GLDN: variants seen among roughly 807,000 people sequenced by gnomAD.
GLDN encodes the protein gliomedin, also known as collomin.
GLDN carries 47 observed loss-of-function variants against 56.5 expected under a neutral mutation model. The observed-to-expected ratio is 0.83, with a 90% CI of 0.66 to 1.06. The LOEUF (loss-of-function observed/expected upper bound fraction) is 1.06. Ranked by LOEUF, GLDN falls within the 50% of genes least tolerant of loss-of-function variation. The probability of loss-of-function intolerance (pLI) is 0.00; values close to 1 mark genes in which losing one functional copy is unlikely to be tolerated. For synonymous variants in GLDN, 332 were observed against 278.8 expected, an observed-to-expected ratio of 1.19 and a Z score of -1.90; for missense variants, 782 against 714.3, an observed-to-expected ratio of 1.09 and a Z score of -1.08.
intron 1 of GLDN, among the ~76,000 whole-genome samples, chr15:51,355,972 C>A (rs1182037707): frequency 2.7e-5 from 4 of 150,400 alleles, no homozygotes; most frequent in Non-Finnish European, 5.9e-5. Flanking sequence ...CTTTGGGAGG[C>A]CAAGGCGGGC....
chr15:51,373,044 C>T (rs1026368883), intron 1 of GLDN, among the ~76,000 whole-genome samples: 2 of 152,038 alleles, frequency 1.3e-5, no homozygotes, highest in African/African-American at 4.8e-5. Context: ...TCCTTTAGGC[C>T]CCACCTCCCA....
At chr15:51,345,064 A>C (rs1051503995) in intron 1 of GLDN, among the ~76,000 whole-genome samples, 1 of 152,152 alleles carries the variant, frequency 6.6e-6, no homozygotes, top group African/African-American at 2.4e-5. Flanking sequence ...GGGAGAGAGA[A>C]AATTTGACCC....
intron 2 of GLDN, among the ~76,000 whole-genome samples, chr15:51,381,407 C>T (rs1226911740): frequency 1.3e-5 from 2 of 152,142 alleles, no homozygotes; most frequent in Admixed American, 1.3e-4. Context: ...CTTCCCAGTA[C>T]GTGTTCGCCA....
intron 5 of GLDN, among the ~76,000 whole-genome samples, chr15:51,396,741 C>T (rs570489383): frequency 6.6e-6 from 1 of 152,172 alleles, no homozygotes; most frequent in South Asian, 2.1e-4. Context: ...CCCATCCAAC[C>T]GTCTATCCAT....
intron 1 of GLDN, among the ~76,000 whole-genome samples, chr15:51,343,155 C>G (rs1270345958): frequency 6.6e-6 from 1 of 152,212 alleles, no homozygotes; most frequent in Non-Finnish European, 1.5e-5. Context: ...TTGACTTAAA[C>G]TTCCGTTATC....
chr15:51,408,025 T>C (rs2038421741), downstream of GLDN: 1 of 152,268 alleles, frequency 6.6e-6, no homozygotes, highest in South Asian at 2.1e-4. Flanking sequence ...AAGTGTGTTG[T>C]TATTTTTACC....
intron 1 of GLDN, among the ~76,000 whole-genome samples, chr15:51,368,729 G>A (rs977617606): frequency 6.6e-6 from 1 of 152,146 alleles, no homozygotes; most frequent in African/African-American, 2.4e-5. Context: ...AGAGCATAAA[G>A]GAGGAAGCGT....
At chr15:51,411,870 G>A (rs1285416952), downstream of GLDN, among the ~76,000 whole-genome samples, 2 of 152,206 alleles carry the variant, frequency 1.3e-5, no homozygotes, top group African/African-American at 2.4e-5. Flanking sequence ...GGATAATCAT[G>A]CTACCTCAAA....
chr15:51,344,945 A>G (rs772569044), intron 1 of GLDN, among the ~76,000 whole-genome samples: 1 of 152,232 alleles, frequency 6.6e-6, no homozygotes, highest in Non-Finnish European at 1.5e-5. Flanking sequence ...AGCACATTAA[A>G]TCTTTAAAAC....
At chr15:51,379,747 G>T (rs1175334599) in intron 2 of GLDN, among the ~76,000 whole-genome samples, 1 of 152,202 alleles carries the variant, frequency 6.6e-6, no homozygotes, top group East Asian at 1.9e-4. Flanking sequence ...ATCGATTCTG[G>T]TTAGGAGTGT....
chr15:51,356,796 A>T (rs2037195737), intron 1 of GLDN, among the ~76,000 whole-genome samples: 1 of 152,222 alleles, frequency 6.6e-6, no homozygotes, highest in Admixed American at 6.5e-5. Flanking sequence ...TCCTTAATAC[A>T]GTGCCTAGAA....
At chr15:51,386,232 G>A (rs752208157) in intron 4 of GLDN, among the ~76,000 whole-genome samples, 11 of 152,166 alleles carry the variant, frequency 7.2e-5, no homozygotes, top group Non-Finnish European at 1.2e-4. Flanking sequence ...TGGAAGTTGA[G>A]TCCCCGAGGC....
intron 1 of GLDN, among the ~76,000 whole-genome samples, chr15:51,359,399 G>A (rs73395907): frequency 0.041 from 6,171 of 152,292 alleles, 174 homozygotes; most frequent in Middle Eastern, 0.11. Flanking sequence ...GGATCCCTGG[G>A]AGTTTGGGGA....
rs137962619 is a variant in GLDN at position 51,387,792 on chromosome 15, G to C, written c.541+3900G>C. Reference sequence around the variant, plus strand: ...TGAGTTAGGGACCCATTTAGGGTGGGGTGTGCCCTCTAGCAACAACCTTTG... The same window carrying C: ...TGAGTTAGGGACCCATTTAGGGTGGCGTGTGCCCTCTAGCAACAACCTTTG... On this transcript the variant is annotated intron_variant, in intron 4 of 9. Transcript: ENST00000335449. 5.9e-5 allele frequency among the ~76,000 whole-genome samples: 9 copies of C among 152,190 alleles called. No homozygotes were observed. In the East Asian group the frequency reaches 1.5e-3, roughly 26 times the overall value.
At chr15:51,401,505 C>G in intron 8 of GLDN, 88 bp from the exon 9 acceptor site, 1 of 1,250,194 alleles carries the variant, frequency 8.0e-7, no homozygotes, top group South Asian at 1.4e-5. Flanking sequence ...TCTCAACTTC[C>G]CGCCTTTGAA....
intron 7 of GLDN, 26 bp from the exon 8 acceptor site, chr15:51,400,347 G>A: frequency 6.2e-7 from 1 of 1,614,114 alleles, no homozygotes; most frequent in Non-Finnish European, 8.5e-7. Context: ...GCAGGCAAGT[G>A]ACTTTCTTTT....
chr15:51,380,523 G>A (rs181434826), intron 2 of GLDN, among the ~76,000 whole-genome samples: 3 of 152,324 alleles, frequency 2.0e-5, no homozygotes, highest in Admixed American at 2.0e-4. Flanking sequence ...GGAGAGCCAG[G>A]CTGGCATTCT....
At chr15:51,400,556 GCC>G in intron 8 of GLDN, 58 bp downstream of exon 8, 1 of 1,563,310 alleles carries the variant, frequency 6.4e-7, no homozygotes, top group South Asian at 1.2e-5. Flanking sequence ...TTCATCTGTT[GCC>G]TACCTTTGGG....
At chr15:51,401,308 A>G (rs1485560440) in intron 8 of GLDN, among the ~76,000 whole-genome samples, 1 of 152,260 alleles carries the variant, frequency 6.6e-6, no homozygotes, top group Non-Finnish European at 1.5e-5. Flanking sequence ...ACTCTCATAG[A>G]GAGTTTGATA....
Sources: allele counts gnomAD v4.1 joint callset (sites outside exome capture counted in the v4.1 genomes callset), GRCh38; gene constraint gnomAD v4.1.1; transcripts MANE v1.5; gene names NCBI Gene and HGNC (gene_info 2026-07-23, HGNC 2026-07-21).